Variants in SLC38A12 observed in about 807,000 individuals in gnomAD.
SLC38A12 encodes the protein putative sodium-coupled neutral amino acid transporter 12.
the SLC38A12 span, chr17:74,785,599 A>G: frequency 1.2e-6 from 2 of 1,613,484 alleles, no homozygotes; most frequent in Non-Finnish European, 1.7e-6. Context: ...CCTGGGCTTC[A>G]TGAGGTGAGA....
At chr17:74,779,891 G>A in the SLC38A12 span, among the ~76,000 whole-genome samples, 1 of 152,196 alleles carries the variant, frequency 6.6e-6, no homozygotes, top group Non-Finnish European at 1.5e-5. Context: ...ACAAGCAGAC[G>A]AACCTCCTAG....
chr17:74,830,977 TG>T, the SLC38A12 span, among the ~76,000 whole-genome samples: 1 of 152,240 alleles, frequency 6.6e-6, no homozygotes, highest in African/African-American at 2.4e-5. Flanking sequence ...GCTCTGCCTA[TG>T]GGTGTCCTCG....
At chr17:74,809,009 A>G in the SLC38A12 span, among the ~76,000 whole-genome samples, 3 of 152,300 alleles carry the variant, frequency 2.0e-5, no homozygotes, top group Admixed American at 2.0e-4. Context: ...TCTGCCTGAT[A>G]GGAAGTTTCT....
chr17:74,821,426 C>A, the SLC38A12 span, among the ~76,000 whole-genome samples: 1 of 152,216 alleles, frequency 6.6e-6, no homozygotes, highest in Non-Finnish European at 1.5e-5. Context: ...AGTTCCAAAG[C>A]CCCAGGTTAA....
the SLC38A12 span, chr17:74,785,676 C>T: frequency 6.4e-7 from 1 of 1,551,074 alleles, no homozygotes. Flanking sequence ...GAAGCCCGAA[C>T]ATGAGGGCAC....
the SLC38A12 span, among the ~76,000 whole-genome samples, chr17:74,791,625 G>A: frequency 5.3e-5 from 8 of 152,256 alleles, no homozygotes; most frequent in African/African-American, 1.9e-4. Flanking sequence ...TCTGCTATGC[G>A]CACGCCTGGG....
chr17:74,794,556 C>G, the SLC38A12 span, among the ~76,000 whole-genome samples: 34 of 152,286 alleles, frequency 2.2e-4, no homozygotes, highest in Non-Finnish European at 4.1e-4. Flanking sequence ...GGGCTATTTT[C>G]CATCAACTTC....
chr17:74,806,103 T>G, the SLC38A12 span, among the ~76,000 whole-genome samples: 1 of 152,146 alleles, frequency 6.6e-6, no homozygotes, highest in African/African-American at 2.4e-5. Flanking sequence ...TGTGGGTGTT[T>G]TTTCCCAAGG....
chr17:74,831,577 C>T, the SLC38A12 span, among the ~76,000 whole-genome samples: 1 of 152,258 alleles, frequency 6.6e-6, no homozygotes, highest in Non-Finnish European at 1.5e-5. Context: ...CTGCCTCCTC[C>T]CAGCTTCTCA....
the SLC38A12 span, chr17:74,837,607 T>C: frequency 1.0e-6 from 1 of 985,282 alleles, no homozygotes; most frequent in Non-Finnish European, 1.2e-6. Context: ...GTGCTCCCAC[T>C]CCAACACTAA....
the SLC38A12 span, chr17:74,837,662 C>T: frequency 5.8e-5 from 57 of 985,664 alleles, no homozygotes; most frequent in African/African-American, 5.6e-4. Context: ...AGTGTTCACG[C>T]TATATCCCTT....
the SLC38A12 span, among the ~76,000 whole-genome samples, chr17:74,808,757 G>A: frequency 3.5e-4 from 54 of 152,226 alleles, no homozygotes; most frequent in African/African-American, 1.3e-3. Flanking sequence ...TACCAGGTGT[G>A]TGGACTCATC....
the SLC38A12 span, among the ~76,000 whole-genome samples, chr17:74,799,271 C>T: frequency 6.6e-6 from 1 of 152,206 alleles, no homozygotes; most frequent in Non-Finnish European, 1.5e-5. Flanking sequence ...GCTGCTGGGT[C>T]GCAGGTGGCC....
the SLC38A12 span, among the ~76,000 whole-genome samples, chr17:74,788,597 T>C: frequency 6.6e-6 from 1 of 152,214 alleles, no homozygotes; most frequent in Non-Finnish European, 1.5e-5. Flanking sequence ...CGGAAATACG[T>C]TCTCACTATA....
the SLC38A12 span, among the ~76,000 whole-genome samples, chr17:74,812,035 CA>C: frequency 9.7e-3 from 1,356 of 139,590 alleles, 17 homozygotes; most frequent in African/African-American, 0.03. Flanking sequence ...GACAGTGCCT[CA>C]AAAAAAAAAA....
chr17:74,783,354 A>G, the SLC38A12 span, among the ~76,000 whole-genome samples: 1 of 152,236 alleles, frequency 6.6e-6, no homozygotes. Context: ...GCCAATATCT[A>G]AAACCCAAGA....
At chr17:74,810,962 G>A in the SLC38A12 span, among the ~76,000 whole-genome samples, 8 of 152,202 alleles carry the variant, frequency 5.3e-5, no homozygotes, top group African/African-American at 1.9e-4. Flanking sequence ...TGTTTGGTCG[G>A]GAAGAACTTG....
chr17:74,787,752 A>G, the SLC38A12 span, among the ~76,000 whole-genome samples: 1 of 152,108 alleles, frequency 6.6e-6, no homozygotes, highest in Non-Finnish European at 1.5e-5. Flanking sequence ...TCCGTTAACA[A>G]AAGCATTCAT....
the SLC38A12 span, among the ~76,000 whole-genome samples, chr17:74,832,576 G>A: frequency 6.6e-6 from 1 of 152,238 alleles, no homozygotes; most frequent in African/African-American, 2.4e-5. Flanking sequence ...CCTGAGTGCA[G>A]GTCAGGATTC....
Sources: gnomAD v4.1 joint callset for allele counts (sites outside exome capture counted in the v4.1 genomes callset) on GRCh38, gnomAD v4.1.1 for gene constraint, MANE v1.5 for transcripts, NCBI Gene and HGNC (gene_info 2026-07-23, HGNC 2026-07-21) for gene names.